DAAM2: variants seen among roughly 807,000 people sequenced by gnomAD.
DAAM2 encodes the protein dishevelled associated activator of morphogenesis 2.
A neutral mutation model predicts 120.7 loss-of-function variants in DAAM2; 39 were observed. The observed-to-expected ratio is 0.32, with a 90% CI of 0.25 to 0.42. The LOEUF (loss-of-function observed/expected upper bound fraction) is 0.42. Among genes scored for constraint, DAAM2 ranks in the 10% least tolerant of loss-of-function variants. DAAM2 has a pLI of 1.00. For missense variants in DAAM2, 1,283 were observed against 1,401.7 expected, an observed-to-expected ratio of 0.92 and a Z score of 1.35; for synonymous variants, 488 against 524.9, an observed-to-expected ratio of 0.93 and a Z score of 0.96.
chr6:39,887,526 G>T lies in DAAM2; in HGVS notation c.1994G>T (p.Arg665Leu). Residue 665 changes from arginine to leucine, a missense_variant, in exon 16 of 25, where the codon CGC becomes CTC. By Grantham distance (102) the Arg-to-Leu change is moderately radical. Coordinates refer to ENST00000274867, the MANE Select transcript of DAAM2 (RefSeq NM_001201427.2). ...GSTEDIYLAS[R>L]KVKELSVIDG... ...ACTGAAGACATCTACCTGGCTTCCC[G>T]CAAGGTCAAAGAGCTGTCGGTCATT... The T allele has an allele frequency of 1.9e-6, 3 of 1,613,760 alleles. No individual in the cohort carries two copies. Among genetic ancestry groups the T allele is most frequent in the Non-Finnish European group, 2.5e-6 (3 of 1,179,782 alleles).
chr6:39,835,729 C>T (rs1763077549), intron 1 of DAAM2, among the ~76,000 whole-genome samples: 1 of 152,134 alleles, frequency 6.6e-6, no homozygotes, highest in African/African-American at 2.4e-5. Flanking sequence ...GCGAAGATGC[C>T]GAGAGGACTC....
chr6:39,870,245 G>T, intron 7 of DAAM2, 95 bp from the exon 8 acceptor site: 1 of 728,802 alleles, frequency 1.4e-6, no homozygotes, highest in Non-Finnish European at 2.4e-6. Context: ...GAGATGTGTT[G>T]GGTCTGTGGC....
Position 39,856,408 on chromosome 6 carries a change from A to G in DAAM2, c.106A>G (p.Met36Val). ...CCGGGACAACCACCCTCTGCAGTTC[A>G]TGGAGTTCTCCAGCCCCATCCCGAA... is the stretch of plus-strand genomic sequence containing the variant. ...NLRDNHPLQF[M>V]EFSSPIPNAE... The change falls in exon 2 of 25, where the codon ATG becomes GTG. Residue 36 changes from methionine (M) to valine (V), a missense_variant. Met to Val is a conservative substitution (Grantham distance 21, BLOSUM62 1). Coordinates refer to ENST00000274867, the MANE Select transcript of DAAM2 (RefSeq NM_001201427.2). 2 of 1,550,454 alleles carry G rather than the reference A, an allele frequency of 1.3e-6. No homozygotes were observed.
intron 14 of DAAM2, chr6:39,879,738 G>A (rs1434528649): frequency 1.7e-6 from 1 of 575,362 alleles, no homozygotes; most frequent in Non-Finnish European, 3.1e-6. Flanking sequence ...TGTTTGCCCA[G>A]GGTTAATGGA....
At chr6:39,887,967 C>A (rs1765477721) in intron 16 of DAAM2, 1 of 206,890 alleles carries the variant, frequency 4.8e-6, no homozygotes. Flanking sequence ...GGGCCTCCTG[C>A]CTGAGCAGGG....
intron 1 of DAAM2, among the ~76,000 whole-genome samples, chr6:39,826,877 A>G (rs9296308): frequency 0.33 from 50,123 of 151,926 alleles, 9,502 homozygotes; most frequent in African/African-American, 0.52. Flanking sequence ...GTACCCTTCA[A>G]GCTTCAAAGA....
At position 39,902,857 on chromosome 6, in the gene DAAM2, C is replaced by T. The variant is rs779664709; in HGVS notation, c.*820C>T. 4 of 152,316 alleles carry T rather than the reference C, an allele frequency of 2.6e-5. No homozygotes were observed. The highest frequency in any genetic ancestry group is 4.4e-5 in the Non-Finnish European group (3 of 68,114). 9.4% of individuals were successfully genotyped at this position (152,316 alleles called of 1,614,324 possible). A position where few individuals can be genotyped will look rare whatever the true frequency, so the allele number is the denominator to read the frequency against. Reference sequence around the variant, plus strand: ...TCAAGACAGACCTCATGCATCACCACACCTCATGCCTTTTGGGCATCTCCC... The same window carrying T: ...TCAAGACAGACCTCATGCATCACCATACCTCATGCCTTTTGGGCATCTCCC... On this transcript the variant is annotated 3_prime_UTR_variant, in exon 25 of 25. Transcript: ENST00000274867.
intron 1 of DAAM2, among the ~76,000 whole-genome samples, chr6:39,803,851 G>T (rs1761936173): frequency 6.6e-6 from 1 of 152,174 alleles, no homozygotes; most frequent in Admixed American, 6.5e-5. Context: ...TTCCTGCCCA[G>T]GGGCTGCTGG....
rs1200460485 is a variant in DAAM2, at chr6:39,893,505, A to G, written c.2341+1783A>G. On this transcript the variant is annotated intron_variant, in intron 19 of 24. Transcript: ENST00000274867. Reference sequence around the variant, plus strand: ...TGCACTCCAGCCTGGGCAACAGAGCATGACTCCATCTCAAAAAAGAAAAAA... The same window carrying G: ...TGCACTCCAGCCTGGGCAACAGAGCGTGACTCCATCTCAAAAAAGAAAAAA... 3.9e-5 allele frequency among the ~76,000 whole-genome samples: 6 copies of G among 151,970 alleles called. No individual in the cohort carries two copies. In the South Asian group the frequency reaches 6.2e-4, roughly 16 times the overall value.
chr6:39,865,857 T>A (rs1412001654), intron 5 of DAAM2, among the ~76,000 whole-genome samples: 6 of 152,244 alleles, frequency 3.9e-5, no homozygotes, highest in African/African-American at 1.4e-4. Flanking sequence ...TTCTACATTT[T>A]ACTATAAGGT....
intron 1 of DAAM2, among the ~76,000 whole-genome samples, chr6:39,842,856 G>A (rs1763405409): frequency 6.6e-6 from 1 of 151,662 alleles, no homozygotes; most frequent in Non-Finnish European, 1.5e-5. Context: ...GGGGAGGTGG[G>A]CATGAGATTG....
Position 39,902,047 on chromosome 6 carries a change from C to A in DAAM2, c.*10C>A. ...CCGGCTAAATTATTGACCTGGGGAACTAGCCACACAGGAGGCCGGGAGACA... is the reference window on the plus strand; with the variant it reads ...CCGGCTAAATTATTGACCTGGGGAAATAGCCACACAGGAGGCCGGGAGACA... On this transcript the variant is annotated 3_prime_UTR_variant, in exon 25 of 25. Transcript: ENST00000274867. 1 of 1,591,534 alleles carries A rather than the reference C, an allele frequency of 6.3e-7. No individual in the cohort carries two copies.
chr6:39,846,555 C>T (rs1297742498), intron 1 of DAAM2, among the ~76,000 whole-genome samples: 1 of 152,194 alleles, frequency 6.6e-6, no homozygotes, highest in Admixed American at 6.5e-5. Context: ...ATTCCCAGCT[C>T]TCATTCTACT....
In DAAM2 at chr6:39,901,266, G is replaced by T; in HGVS notation, c.2812-36G>T. ...AGGGGCTGAGCCCAGCATGCTCCAG[G>T]GCACTCTCCACCAATCCTGTTCTGT... On this transcript the variant is annotated intron_variant, in intron 23 of 24. Coordinates refer to ENST00000274867, the MANE Select transcript of DAAM2 (RefSeq NM_001201427.2). The surrounding 1 kb of genome is among the most constrained non-coding windows in gnomAD (Gnocchi z 4.5). 6.3e-7 allele frequency: 1 copy of T among 1,591,684 alleles called. No homozygotes were observed. The highest frequency in any genetic ancestry group is 1.1e-5 in the South Asian group (1 of 87,596).
At position 39,902,217 on chromosome 6, in the gene DAAM2, C is replaced by A; in HGVS notation, c.*180C>A. On this transcript the variant is annotated 3_prime_UTR_variant, in exon 25 of 25. Transcript: ENST00000274867. ...CTCCCCACGCTTACCTTAAGGGGCT[C>A]CTCTTATCTCCCCTTCACATGATTC... 2.1e-6 allele frequency: 1 copy of A among 475,350 alleles called. No individual in the cohort carries two copies. The allele number at this position is 475,350 out of a possible 1,614,324, so 29.4% of individuals were successfully genotyped here. A position where few individuals can be genotyped will look rare whatever the true frequency, so the allele number is the denominator to read the frequency against.
chr6:39,802,681 C>T (rs1004601089), intron 1 of DAAM2, among the ~76,000 whole-genome samples: 1 of 152,162 alleles, frequency 6.6e-6, no homozygotes, highest in Non-Finnish European at 1.5e-5. Flanking sequence ...CTACTGCCTA[C>T]CTAGTCCACT....
intron 1 of DAAM2, among the ~76,000 whole-genome samples, chr6:39,824,182 C>T (rs1229241156): frequency 6.6e-6 from 1 of 152,202 alleles, no homozygotes; most frequent in African/African-American, 2.4e-5. Context: ...TAGAACTTGG[C>T]TATCTCTGCA....
intron 1 of DAAM2, chr6:39,848,683 C>T (rs577984600): frequency 1.3e-5 from 2 of 152,234 alleles, no homozygotes; most frequent in South Asian, 2.1e-4. Flanking sequence ...AGGGGGAAAC[C>T]GTAATTTAGG....
intron 1 of DAAM2, chr6:39,855,962 C>A (rs11752025): frequency 0.045 from 40,925 of 900,504 alleles, 1,489 homozygotes; most frequent in African/African-American, 0.17. Flanking sequence ...TGACCCCAGC[C>A]TTTGTCCTTC....
Sources: gnomAD v4.1 joint callset for allele counts (sites outside exome capture counted in the v4.1 genomes callset) on GRCh38, gnomAD v4.1.1 for gene constraint, Gnocchi (gnomAD v3.1) non-coding constraint, MANE v1.5 for transcripts, NCBI Gene and HGNC (gene_info 2026-07-23, HGNC 2026-07-21) for gene names.